Variants in PPL observed in about 807,000 individuals in gnomAD.
PPL encodes periplakin.
PPL carries 198 observed loss-of-function variants against 194.4 expected under a neutral mutation model. The observed-to-expected ratio is 1.02, with a 90% CI of 0.91 to 1.15. PPL has a LOEUF of 1.15. PPL is among the 50% of genes most tolerant of loss of function. The pLI is 0.00. For synonymous variants in PPL, 1,220 were observed against 972.4 expected, an observed-to-expected ratio of 1.25 and a Z score of -4.74; for missense variants, 2,885 against 2,294.8, an observed-to-expected ratio of 1.26 and a Z score of -5.25.
intron 1 of PPL, among the ~76,000 whole-genome samples, chr16:4,920,114 T>G (rs2142405169): frequency 1.3e-5 from 2 of 151,184 alleles, no homozygotes; most frequent in Admixed American, 6.6e-5. Flanking sequence ...TGAAACTCCG[T>G]CTCTACTAAA....
At position 4,901,069 on chromosome 16, in the gene PPL, G is replaced by C. The variant is rs1351970112; in HGVS notation, c.459C>G (p.Ser153Arg). 4 of 1,614,072 alleles carry C rather than the reference G, an allele frequency of 2.5e-6. No homozygotes were observed. Among genetic ancestry groups the C allele is most frequent in the Non-Finnish European group, 3.4e-6 (4 of 1,180,044 alleles). Residue 153 changes from serine to arginine, a missense_variant, in exon 5 of 22, where the codon AGC becomes AGG. Physicochemically the swap from Ser to Arg is moderately radical, Grantham distance 110. Transcript: ENST00000345988. ...EEKLDKLNNQSFGTDLPLVDH... is the reference protein window; with the variant it reads ...EEKLDKLNNQRFGTDLPLVDH... ...CCACCAGCGGCAGGTCAGTCCCAAA[G>C]CTCTGGTTGTTCAGCTTGTCCTGGC...
In PPL at chr16:4,902,445, A is replaced by T; in HGVS notation, c.399T>A (p.Asp133Glu). The change falls in exon 4 of 22, where the codon GAT becomes GAA. Residue 133 changes from aspartate (D) to glutamate (E), a missense_variant. Asp to Glu is a conservative substitution (Grantham distance 45). Transcript: ENST00000345988. This position sits in a 1 kb window ranked among gnomAD's most constrained non-coding sequence, Gnocchi z 4.0. The stretch of plus-strand genomic sequence containing the variant: ...CCAGTGCCGCCCAGTTGACCTGTGG[A>T]TCCACTTCCTTCACCGCCAGCCTGT... The part of the protein sequence containing the change: ...QIYRLAVKEV[D>E]PQVNWAALVE... 2 of 1,613,900 alleles carry T rather than the reference A, an allele frequency of 1.2e-6. No individual in the cohort carries two copies. The highest frequency in any genetic ancestry group is 8.5e-7 in the Non-Finnish European group (1 of 1,179,928).
intron 1 of PPL, among the ~76,000 whole-genome samples, chr16:4,914,794 G>T (rs996114948): frequency 2.6e-5 from 4 of 152,162 alleles, no homozygotes; most frequent in African/African-American, 9.7e-5. Context: ...GAGGATCTCG[G>T]TAAGAAGGGA....
At chr16:4,900,910 G>A (rs1410125608) in intron 5 of PPL, 39 bp from the exon 6 acceptor site, 1 of 1,614,054 alleles carries the variant, frequency 6.2e-7, no homozygotes, top group Admixed American at 1.7e-5. Flanking sequence ...GGGCCAGGAA[G>A]CAGGCGCGGC....
In PPL at chr16:4,895,456, CT is replaced by C. The variant is rs1402261438; in HGVS notation, c.1096-50del. ...CCAGGTGAGACCAACAGCCTTCCCC[CT>C]GGTGGGAGGACGCAGAGCAGGGGCT... On this transcript the variant is annotated intron_variant, in intron 10 of 21. Transcript: ENST00000345988. The C allele has an allele frequency of 1.9e-6, 3 of 1,606,980 alleles. No individual in the cohort carries two copies. The East Asian group carries it at 6.7e-5, about 36-fold the overall frequency.
chr16:4,899,443 C>T, intron 6 of PPL, 59 bp from the exon 7 acceptor site: 2 of 1,182,712 alleles, frequency 1.7e-6, no homozygotes, highest in Non-Finnish European at 2.1e-6. Flanking sequence ...CTGCTCGCTT[C>T]CTTCCCTACC....
At position 4,895,294 on chromosome 16, in the gene PPL, G is replaced by A. The variant is rs202120245; in HGVS notation, c.1209C>T (p.Pro403=). The change falls in exon 11 of 22, where the codon CCC becomes CCT. Residue 403 remains proline (P), a synonymous_variant. Transcript: ENST00000345988. ...CCTCAAAGTCACAGAGTGCCTCCAC[G>A]GGGATGGGCTTGAGCGGAGTCTCCC... ...YRRETPLKPI[P]VEALCDFEGE... is the part of the protein sequence containing the mutation. 4.3e-6 allele frequency: 7 copies of A among 1,611,808 alleles called. No individual in the cohort carries two copies. The highest frequency in any genetic ancestry group is 3.3e-5 in the South Asian group (3 of 91,054).
Position 4,888,995 on chromosome 16 carries a change from A to G in PPL, c.2380T>C (p.Tyr794His). The G allele has an allele frequency of 6.2e-7, 1 of 1,613,522 alleles. No homozygotes were observed. The highest frequency in any genetic ancestry group is 8.5e-7 in the Non-Finnish European group (1 of 1,179,880). The change falls in exon 19 of 22, where the codon TAC becomes CAC. Residue 794 changes from tyrosine to histidine, a missense_variant. By Grantham distance (83) the Tyr-to-His change is moderately conservative. Coordinates refer to ENST00000345988, the MANE Select transcript of PPL (RefSeq NM_002705.5). ...CGGCTCACCTTTACAGCTTGCTGGT[A>G]CTGCTGGGAATTGGCACAGATCTTC... is the stretch of plus-strand genomic sequence containing the variant. ...VQKICANSQQ[Y>H]QQAVKDYELE...
At chr16:4,929,760 C>T (rs558004375) in intron 1 of PPL, among the ~76,000 whole-genome samples, 1 of 152,150 alleles carries the variant, frequency 6.6e-6, no homozygotes, top group African/African-American at 2.4e-5. Flanking sequence ...AATCACAGCT[C>T]ACTGCAGCCT....
Position 4,917,858 on chromosome 16 carries a change from C to T in PPL, c.63-6909G>A, listed in dbSNP as rs561595403. ...TTGAGGCTGCAGTGAGCCGAGATTT[C>T]GCCACTGCATTCCAGCCTGGGCAAT... On this transcript the variant is annotated intron_variant, in intron 1 of 21. Transcript: ENST00000345988. Among the ~76,000 whole-genome samples the T allele has an allele frequency of 8.6e-5, 13 of 152,010 alleles. No homozygotes were observed. In the South Asian group the frequency reaches 1.7e-3, roughly 19 times the overall value.
chr16:4,906,658 T>G (rs1040404215), intron 2 of PPL, among the ~76,000 whole-genome samples: 1 of 152,166 alleles, frequency 6.6e-6, no homozygotes, highest in Non-Finnish European at 1.5e-5. Flanking sequence ...GAATGCAAGT[T>G]CTCTCAAAAC....
chr16:4,905,162 C>T (rs1020170953), intron 2 of PPL, among the ~76,000 whole-genome samples: 6 of 152,108 alleles, frequency 3.9e-5, no homozygotes, highest in East Asian at 1.9e-4. Flanking sequence ...AGCCGGCCGC[C>T]GGTCCCTTCC....
chr16:4,891,754 G>A (rs2088322685), intron 16 of PPL, 57 bp downstream of exon 16: 9 of 1,540,740 alleles, frequency 5.8e-6, no homozygotes, highest in Non-Finnish European at 4.4e-6. Context: ...GGGTGGATGT[G>A]CCAGATGCTC....
At chr16:4,927,472 G>C (rs908381191) in intron 1 of PPL, among the ~76,000 whole-genome samples, 1 of 152,208 alleles carries the variant, frequency 6.6e-6, no homozygotes, top group Non-Finnish European at 1.5e-5. Flanking sequence ...CTAATGTACA[G>C]CCAGGGATGA....
chr16:4,889,211 A>T, intron 18 of PPL, 150 bp from the exon 19 acceptor site: 1 of 381,290 alleles, frequency 2.6e-6, no homozygotes. Context: ...ATTTTTATTC[A>T]TTGCAAAAGG....
rs2088411963 is a variant in PPL at position 4,895,618 on chromosome 16, A to T, written c.1071T>A (p.Ile357=). ...YGPDFKDRYQ[I]ELLLRELDDQ... ...CATCCAGCTCCCGCAGCAGCAGCTC[A>T]ATCTGGTACCGGTCCTTGAAGTCAG... is the stretch of plus-strand genomic sequence containing the variant. Residue 357 remains isoleucine, a synonymous_variant, in exon 10 of 22, where the codon ATT becomes ATA. Coordinates refer to ENST00000345988, the MANE Select transcript of PPL (RefSeq NM_002705.5). 6.2e-7 allele frequency: 1 copy of T among 1,613,812 alleles called. No homozygotes were observed. The highest frequency in any genetic ancestry group is 1.7e-5 in the Admixed American group (1 of 60,004).
intron 1 of PPL, among the ~76,000 whole-genome samples, chr16:4,928,000 G>T (rs2089180840): frequency 6.6e-6 from 1 of 152,244 alleles, no homozygotes; most frequent in Non-Finnish European, 1.5e-5. Flanking sequence ...TGGCTGCTCA[G>T]GAGGCTGAGG....
chr16:4,890,897 G>A lies in PPL; in HGVS notation c.1993C>T (p.Gln665Ter). The change falls in exon 17 of 22, where the codon CAG (glutamine) becomes TAG (stop). Residue 665 changes from glutamine to a stop codon, truncating the protein, a stop_gained. Coordinates refer to ENST00000345988, the MANE Select transcript of PPL (RefSeq NM_002705.5). LOFTEE classifies it high-confidence loss of function. The part of the protein sequence containing the change: ...LAAMACELQA[Q>*]KSLLGEVEQN... ...TCCACCTCACCCAGGAGGGACTTCT[G>A]GGCCTGTAACTCACAGGCCATGGCC... is the stretch of plus-strand genomic sequence containing the variant. 2.6e-6 allele frequency: 4 copies of A among 1,534,744 alleles called. No homozygotes were observed. The highest frequency in any genetic ancestry group is 2.5e-5 in the East Asian group (1 of 40,452).
chr16:4,918,105 C>G (rs1320184861), intron 1 of PPL, among the ~76,000 whole-genome samples: 1 of 151,898 alleles, frequency 6.6e-6, no homozygotes, highest in Non-Finnish European at 1.5e-5. Context: ...CCAGCCTGGC[C>G]AACATGGTGA....
Sources: gnomAD v4.1 joint callset for allele counts (sites outside exome capture counted in the v4.1 genomes callset) on GRCh38, gnomAD v4.1.1 for gene constraint, Gnocchi (gnomAD v3.1) non-coding constraint, MANE v1.5 for transcripts, NCBI Gene and HGNC (gene_info 2026-07-23, HGNC 2026-07-21) for gene names.